The following OR1J2 variants were observed in gnomAD, a reference collection of about 807,000 sequenced individuals.
OR1J2 encodes the protein olfactory receptor 1J2.
For missense variants in OR1J2, 304 were observed against 246.1 expected (o/e 1.24, Z -1.57); for synonymous variants, 142 against 99.7 (o/e 1.42, Z -2.52).
the OR1J2 span, chr9:122,568,597 T>C: frequency 9.4e-6 from 6 of 637,020 alleles, no homozygotes; most frequent in Admixed American, 1.9e-4. Flanking sequence ...TTAGCTACTG[T>C]GCTAATTGTG....
At chr9:122,488,036 A>T in the OR1J2 span, among the ~76,000 whole-genome samples, 1 of 152,180 alleles carries the variant, frequency 6.6e-6, no homozygotes, top group Non-Finnish European at 1.5e-5. Context: ...TTAACTTCAA[A>T]CCTAAAGCCT....
chr9:122,488,884 T>C, the OR1J2 span, among the ~76,000 whole-genome samples: 1 of 152,268 alleles, frequency 6.6e-6, no homozygotes, highest in East Asian at 1.9e-4. Context: ...CTCTAAGTTC[T>C]GGGGTACATG....
chr9:122,479,330 C>T, the OR1J2 span, among the ~76,000 whole-genome samples: 56 of 152,300 alleles, frequency 3.7e-4, no homozygotes, highest in African/African-American at 1.3e-3. Flanking sequence ...ATTTTACTGA[C>T]TGTGTCAAGC....
chr9:122,536,710 C>G, the OR1J2 span, among the ~76,000 whole-genome samples: 30,386 of 152,180 alleles, frequency 0.2, 3,485 homozygotes, highest in Middle Eastern at 0.3. Context: ...TCTCAAGGAC[C>G]TGGGAGCTAT....
the OR1J2 span, chr9:122,568,018 G>A: frequency 1.8e-5 from 29 of 1,614,064 alleles, no homozygotes; most frequent in Non-Finnish European, 2.5e-5. Flanking sequence ...GAGTGGAGGT[G>A]AGGAAATGAG....
the OR1J2 span, among the ~76,000 whole-genome samples, chr9:122,554,778 T>C: frequency 6.0e-5 from 9 of 149,844 alleles, no homozygotes; most frequent in African/African-American, 2.2e-4. Context: ...TCCTTACTAT[T>C]TCATTTCTTT....
chr9:122,513,854 G>C (rs761997440), downstream of OR1J2, among the ~76,000 whole-genome samples: 44 of 152,118 alleles, frequency 2.9e-4, no homozygotes, highest in Non-Finnish European at 5.7e-4. Context: ...AGACAATGCA[G>C]CACATTAAAA....
At chr9:122,553,201 A>T in the OR1J2 span, 1 of 1,613,130 alleles carries the variant, frequency 6.2e-7, no homozygotes, top group South Asian at 1.1e-5. Context: ...AGATCACACG[A>T]ACTACAAGGG....
chr9:122,472,233 C>T, the OR1J2 span, among the ~76,000 whole-genome samples: 2 of 152,218 alleles, frequency 1.3e-5, no homozygotes, highest in African/African-American at 2.4e-5. Flanking sequence ...TGAGCCACCA[C>T]ATTAACAGTA....
At chr9:122,557,062 A>G in the OR1J2 span, among the ~76,000 whole-genome samples, 113 of 152,270 alleles carry the variant, frequency 7.4e-4, no homozygotes, top group African/African-American at 2.6e-3. Flanking sequence ...TAAGAGAGCA[A>G]CTGGCTTTTG....
chr9:122,517,417 G>T, the OR1J2 span, among the ~76,000 whole-genome samples: 1 of 152,162 alleles, frequency 6.6e-6, no homozygotes, highest in Non-Finnish European at 1.5e-5. Context: ...TCAAAGGAAG[G>T]ATGGTATTCT....
chr9:122,535,216 G>A, the OR1J2 span, among the ~76,000 whole-genome samples: 8 of 152,004 alleles, frequency 5.3e-5, no homozygotes, highest in African/African-American at 1.2e-4. Context: ...ATAAGAGGTC[G>A]GGGCATGGAA....
At chr9:122,450,754 T>G in the OR1J2 span, among the ~76,000 whole-genome samples, 1 of 152,126 alleles carries the variant, frequency 6.6e-6, no homozygotes, top group African/African-American at 2.4e-5. Flanking sequence ...CCCTGTCCAT[T>G]CCCCCATCCC....
the OR1J2 span, among the ~76,000 whole-genome samples, chr9:122,465,905 G>A: frequency 1.3e-5 from 2 of 152,278 alleles, no homozygotes; most frequent in East Asian, 1.9e-4. Flanking sequence ...TCCCTTGAAA[G>A]TTAAATTCAC....
the OR1J2 span, among the ~76,000 whole-genome samples, chr9:122,577,508 C>A: frequency 6.6e-6 from 1 of 152,038 alleles, no homozygotes; most frequent in Non-Finnish European, 1.5e-5. Flanking sequence ...AGGCAATTCA[C>A]AAAAGAATAC....
At chr9:122,460,056 A>G in the OR1J2 span, among the ~76,000 whole-genome samples, 306 of 152,166 alleles carry the variant, frequency 2.0e-3, 1 homozygote, top group African/African-American at 6.8e-3. Flanking sequence ...TTGGTTTTCC[A>G]TTCCCAAGTT....
chr9:122,480,984 C>T, the OR1J2 span, among the ~76,000 whole-genome samples: 5 of 151,922 alleles, frequency 3.3e-5, no homozygotes, highest in Non-Finnish European at 5.9e-5. Flanking sequence ...TTAATAGAGA[C>T]GGGGTTTCAC....
At chr9:122,533,752 C>T in the OR1J2 span, among the ~76,000 whole-genome samples, 1 of 152,134 alleles carries the variant, frequency 6.6e-6, no homozygotes, top group Non-Finnish European at 1.5e-5. Context: ...GCAAGGGAAA[C>T]AGGCCCTTGA....
chr9:122,460,740 T>G, the OR1J2 span, among the ~76,000 whole-genome samples: 1 of 152,120 alleles, frequency 6.6e-6, no homozygotes, highest in Non-Finnish European at 1.5e-5. Context: ...CTCATGAACA[T>G]GGGATGTGTT....
Sources: gnomAD v4.1 joint callset for allele counts (sites outside exome capture counted in the v4.1 genomes callset) on GRCh38, gnomAD v4.1.1 for gene constraint, MANE v1.5 for transcripts, NCBI Gene and HGNC (gene_info 2026-07-23, HGNC 2026-07-21) for gene names.